Variants in CNTN6 observed in about 807,000 individuals in gnomAD.
CNTN6 encodes the protein contactin-6.
CNTN6 carries 137 observed loss-of-function variants against 122.8 expected under a neutral mutation model. The ratio of observed to expected loss-of-function variants is 1.12; its 90% confidence interval spans 0.97 to 1.29. CNTN6 has a LOEUF of 1.29. Ranked by LOEUF, CNTN6 falls within the 50% of genes most tolerant of loss-of-function variation. The pLI is 0.00. For missense variants in CNTN6, 1,634 were observed against 1,223.4 expected (o/e 1.34, Z -5.01); for synonymous variants, 570 against 426.0 (o/e 1.34, Z -4.16).
In CNTN6 at chr3:1,284,166, G is replaced by A. The variant is rs74643609; in HGVS notation, c.454+5658G>A. On this transcript the variant is annotated intron_variant, in intron 5 of 22. Transcript: ENST00000446702. ...CCAAAAGTTTGGATCATCTGTGTCT[G>A]TAGCAGGAAGATAGCACGACTGTCT... Among the ~76,000 whole-genome samples the A allele has an allele frequency of 1.4e-3, 212 of 152,326 alleles. 4 individuals are homozygous for A. The East Asian group carries it at 0.024, about 17-fold the overall frequency.
intron 1 of CNTN6, among the ~76,000 whole-genome samples, chr3:1,134,526 G>C (rs1395693079): frequency 6.6e-6 from 1 of 152,030 alleles, no homozygotes; most frequent in Admixed American, 6.6e-5. Flanking sequence ...CTCTTGCCTA[G>C]ACCTGGATAC....
At chr3:1,155,186 T>G (rs973454610) in intron 2 of CNTN6, among the ~76,000 whole-genome samples, 2 of 152,202 alleles carry the variant, frequency 1.3e-5, no homozygotes, top group Non-Finnish European at 2.9e-5. Flanking sequence ...TATACATTGT[T>G]TACCAGTGCA....
intron 2 of CNTN6, among the ~76,000 whole-genome samples, chr3:1,206,592 T>C (rs978400904): frequency 3.3e-5 from 5 of 152,188 alleles, no homozygotes; most frequent in Non-Finnish European, 7.3e-5. Context: ...TGACCCCATG[T>C]CTTTCTGTAG....
At chr3:1,242,311 G>T (rs1575382180) in intron 4 of CNTN6, among the ~76,000 whole-genome samples, 1 of 152,154 alleles carries the variant, frequency 6.6e-6, no homozygotes, top group South Asian at 2.1e-4. Context: ...ACAGAATAGT[G>T]AGTTGTGGAG....
chr3:1,243,749 A>G (rs1352390817), intron 4 of CNTN6, among the ~76,000 whole-genome samples: 1 of 152,230 alleles, frequency 6.6e-6, no homozygotes, highest in East Asian at 1.9e-4. Context: ...AGCTAGTCAC[A>G]GAACGAAACT....
At chr3:1,165,491 C>T (rs1278703784) in intron 2 of CNTN6, among the ~76,000 whole-genome samples, 1 of 152,078 alleles carries the variant, frequency 6.6e-6, no homozygotes, top group Non-Finnish European at 1.5e-5. Context: ...AGCAGGATTC[C>T]AATGAGCTTT....
At chr3:1,387,957 A>AACTGCAAGGCG (rs939018357) in intron 20 of CNTN6, among the ~76,000 whole-genome samples, 18 of 152,122 alleles carry the variant, frequency 1.2e-4, no homozygotes, top group African/African-American at 3.9e-4. Flanking sequence ...TCTGAGATCA[A>AACTGCAAGGCG]ACTGCAAGGC....
intron 20 of CNTN6, among the ~76,000 whole-genome samples, chr3:1,401,081 C>T (rs1312558693): frequency 1.3e-5 from 2 of 151,812 alleles, no homozygotes; most frequent in African/African-American, 2.4e-5. Context: ...TTGAATTTGC[C>T]AAACATGCTC....
chr3:1,376,994 G>T lies in CNTN6; in HGVS notation c.2096-11G>T. ...TAATTGCCATCCCACATTTCTCTTG[G>T]TTATTTTTAGTCCCTGTTGTGGCAC... is the stretch of plus-strand genomic sequence containing the variant. On this transcript the variant is annotated splice_polypyrimidine_tract_variant and intron_variant, in intron 16 of 22. Transcript: ENST00000446702. 8 of 1,578,326 alleles carry T rather than the reference G, an allele frequency of 5.1e-6. No individual in the cohort carries two copies. The highest frequency in any genetic ancestry group is 6.9e-6 in the Non-Finnish European group (8 of 1,159,996).
chr3:1,395,795 C>A (rs1251977865), intron 20 of CNTN6, among the ~76,000 whole-genome samples: 1 of 152,098 alleles, frequency 6.6e-6, no homozygotes. Context: ...TGTCCCCAGC[C>A]CTGTATTAAC....
At chr3:1,317,996 A>G (rs2125954552) in intron 7 of CNTN6, among the ~76,000 whole-genome samples, 1 of 151,770 alleles carries the variant, frequency 6.6e-6, no homozygotes, top group Admixed American at 6.6e-5. Context: ...AAAGCCCAGT[A>G]CTGTACCCTG....
At chr3:1,371,945 G>A (rs1352910521) in intron 12 of CNTN6, among the ~76,000 whole-genome samples, 1 of 152,102 alleles carries the variant, frequency 6.6e-6, no homozygotes, top group Non-Finnish European at 1.5e-5. Context: ...ATTTAGAGCT[G>A]TTACCAGTGT....
Position 1,295,659 on chromosome 3 carries a change from G to A in CNTN6, c.513G>A (p.Arg171=), listed in dbSNP as rs916319266. Residue 171 remains arginine (R), a synonymous_variant, in exon 6 of 23, where the codon AGG becomes AGA. Transcript: ENST00000446702. ...CCTTATACGTCCAAGAGGACAATAG[G>A]CGATTTGTATCTCAAGAGACGGGAA... ...DNPLYVQEDN[R]RFVSQETGNL... The A allele has an allele frequency of 6.2e-7, 1 of 1,613,950 alleles. No individual in the cohort carries two copies. The highest frequency in any genetic ancestry group is 8.5e-7 in the Non-Finnish European group (1 of 1,179,916).
chr3:1,286,932 T>G (rs1008906852), intron 5 of CNTN6, among the ~76,000 whole-genome samples: 1 of 152,118 alleles, frequency 6.6e-6, no homozygotes, highest in Non-Finnish European at 1.5e-5. Flanking sequence ...TAGTCACTGA[T>G]AAAACAGACT....
At chr3:1,335,059 A>G (rs1217352713) in intron 11 of CNTN6, among the ~76,000 whole-genome samples, 1 of 152,154 alleles carries the variant, frequency 6.6e-6, no homozygotes, top group Non-Finnish European at 1.5e-5. Flanking sequence ...GTTTTTCTTT[A>G]AAGTGATTTG....
In CNTN6 at chr3:1,104,416, C is replaced by G. The variant is rs1396674466; in HGVS notation, c.-83+11296C>G. On this transcript the variant is annotated intron_variant, in intron 1 of 22. Coordinates refer to ENST00000446702, the MANE Select transcript of CNTN6 (RefSeq NM_001289080.2). The stretch of plus-strand genomic sequence containing the variant: ...CAAAAATAGGATCTCACATTATACA[C>G]ATGTTTATGGAATTTCCTAATCACA... Among the ~76,000 whole-genome samples the G allele has an allele frequency of 2.0e-5, 3 of 152,096 alleles. No individual in the cohort carries two copies. In the East Asian group the frequency reaches 5.8e-4, roughly 29 times the overall value.
chr3:1,385,245 A>AGCAAGACATTATAATGAAAGTCTTTG (rs1331431505), intron 19 of CNTN6, among the ~76,000 whole-genome samples: 1 of 152,192 alleles, frequency 6.6e-6, no homozygotes, highest in African/African-American at 2.4e-5. Context: ...AAATGCCAAT[A>AGCAAGACATTATAATGAAAGTCTTTG]GCAAGACATT....
chr3:1,188,125 G>T (rs1303940050), intron 2 of CNTN6, among the ~76,000 whole-genome samples: 1 of 152,132 alleles, frequency 6.6e-6, no homozygotes, highest in Non-Finnish European at 1.5e-5. Flanking sequence ...CAAGCAAATA[G>T]TCAAGCAATG....
chr3:1,220,505 TA>T (rs767259383), intron 2 of CNTN6, among the ~76,000 whole-genome samples, 181 bp from the exon 3 acceptor site: 3 of 152,130 alleles, frequency 2.0e-5, no homozygotes, highest in Non-Finnish European at 4.4e-5. Context: ...ATTTGGGTAA[TA>T]GGGGATTGGT....
Sources: gnomAD v4.1 joint callset for allele counts (sites outside exome capture counted in the v4.1 genomes callset) on GRCh38, gnomAD v4.1.1 for gene constraint, MANE v1.5 for transcripts, NCBI Gene and HGNC (gene_info 2026-07-23, HGNC 2026-07-21) for gene names.